Variants in LRRC28 observed in about 807,000 individuals in gnomAD.
The protein encoded by LRRC28 is leucine rich repeat containing 28.
In LRRC28, 39 loss-of-function variants were observed where a neutral mutation model predicts 45.7. The observed-to-expected ratio is 0.85, with a 90% CI of 0.66 to 1.12. The LOEUF (loss-of-function observed/expected upper bound fraction) is 1.12, where lower values mean the gene tolerates loss of function less well. Ranked by LOEUF, LRRC28 falls within the 50% of genes most tolerant of loss-of-function variation. The pLI is 0.00. For synonymous variants in LRRC28, 206 were observed against 178.8 expected, an observed-to-expected ratio of 1.15 and a Z score of -1.22; for missense variants, 435 against 438.5, an observed-to-expected ratio of 0.99 and a Z score of 0.07.
At chr15:99,311,270 A>G (rs1470058382) in intron 5 of LRRC28, among the ~76,000 whole-genome samples, 1 of 152,120 alleles carries the variant, frequency 6.6e-6, no homozygotes, top group East Asian at 1.9e-4. Context: ...TCATGTTGGC[A>G]CTCAGAAATC....
chr15:99,376,593 G>C (rs1013073383), intron 9 of LRRC28, among the ~76,000 whole-genome samples: 3 of 152,052 alleles, frequency 2.0e-5, no homozygotes, highest in Admixed American at 6.6e-5. Context: ...GTGCAGGTTT[G>C]TTACATATGT....
intron 1 of LRRC28, among the ~76,000 whole-genome samples, chr15:99,255,526 G>A (rs1025222281): frequency 1.3e-5 from 2 of 151,884 alleles, no homozygotes; most frequent in Admixed American, 1.3e-4. Context: ...ACAAAATGAG[G>A]TAGTTCATAA....
At chr15:99,367,745 GC>G (rs1409819674) in intron 9 of LRRC28, among the ~76,000 whole-genome samples, 1 of 152,130 alleles carries the variant, frequency 6.6e-6, no homozygotes, top group African/African-American at 2.4e-5. Flanking sequence ...CCTTCTCTGG[GC>G]ATGCCATCTT....
intron 5 of LRRC28, among the ~76,000 whole-genome samples, chr15:99,324,685 G>C (rs1481449529): frequency 1.3e-5 from 2 of 152,086 alleles, no homozygotes; most frequent in Non-Finnish European, 2.9e-5. Context: ...ATCATTTTCA[G>C]AATACTCTAT....
At chr15:99,309,599 C>T (rs192097317) in intron 5 of LRRC28, among the ~76,000 whole-genome samples, 16 of 151,998 alleles carry the variant, frequency 1.1e-4, no homozygotes, top group South Asian at 6.2e-4. Context: ...AGTAGAGACG[C>T]GGTTTCATCA....
At chr15:99,383,575 C>T (rs1957894232) in intron 9 of LRRC28, among the ~76,000 whole-genome samples, 1 of 152,200 alleles carries the variant, frequency 6.6e-6, no homozygotes, top group South Asian at 2.1e-4. Context: ...GGATACAACT[C>T]TTCTTTTCCA....
intron 1 of LRRC28, among the ~76,000 whole-genome samples, chr15:99,255,001 A>G (rs1289377653): frequency 6.6e-6 from 1 of 152,194 alleles, no homozygotes; most frequent in Non-Finnish European, 1.5e-5. Flanking sequence ...GAAATAATTT[A>G]AACTAATGAG....
At chr15:99,367,106 C>A (rs566428369) in intron 9 of LRRC28, among the ~76,000 whole-genome samples, 1 of 152,298 alleles carries the variant, frequency 6.6e-6, no homozygotes, top group South Asian at 2.1e-4. Context: ...GGCTCAGTCC[C>A]ACAAGACTGC....
chr15:99,377,504 C>A (rs1432267541), intron 9 of LRRC28, among the ~76,000 whole-genome samples: 1 of 152,190 alleles, frequency 6.6e-6, no homozygotes, highest in Non-Finnish European at 1.5e-5. Flanking sequence ...CCTGTTCACT[C>A]TGATGGTAGT....
At chr15:99,371,269 G>C (rs1489661189) in intron 9 of LRRC28, among the ~76,000 whole-genome samples, 1 of 152,156 alleles carries the variant, frequency 6.6e-6, no homozygotes, top group Non-Finnish European at 1.5e-5. Flanking sequence ...TGGTAGGTGA[G>C]GGCTCCATGG....
chr15:99,370,126 T>G (rs1785270557), intron 9 of LRRC28, among the ~76,000 whole-genome samples: 4 of 152,206 alleles, frequency 2.6e-5, no homozygotes, highest in Non-Finnish European at 5.9e-5. Flanking sequence ...GATTGCAAAC[T>G]GGGCCAAGGT....
chr15:99,372,147 T>G (rs1212577076), intron 9 of LRRC28, among the ~76,000 whole-genome samples: 2 of 152,236 alleles, frequency 1.3e-5, no homozygotes, highest in Non-Finnish European at 2.9e-5. Flanking sequence ...AAATATATGC[T>G]TTGTGTTTTT....
At position 99,352,390 on chromosome 15, in the gene LRRC28, T is replaced by C; in HGVS notation, c.614T>C (p.Leu205Pro). Residue 205 changes from leucine to proline, a missense_variant, in exon 7 of 10, where the codon CTA becomes CCA. Coordinates refer to ENST00000301981, the MANE Select transcript of LRRC28 (RefSeq NM_144598.5). Reference sequence around the variant, plus strand: ...CCAGATTTAGGTCGATCTCGAGAACTACAGTATGTATACGTGGATAACAAC... The same window carrying C: ...CCAGATTTAGGTCGATCTCGAGAACCACAGTATGTATACGTGGATAACAAC... Reference protein sequence around the residue: ...LPLDLGRSRELQYVYVDNNIH... With the variant: ...LPLDLGRSREPQYVYVDNNIH... The C allele has an allele frequency of 6.2e-7, 1 of 1,613,848 alleles. No individual in the cohort carries two copies. Among genetic ancestry groups the C allele is most frequent in the Non-Finnish European group, 8.5e-7 (1 of 1,179,892 alleles).
At chr15:99,315,822 G>A (rs1955573318) in intron 5 of LRRC28, among the ~76,000 whole-genome samples, 1 of 152,144 alleles carries the variant, frequency 6.6e-6, no homozygotes, top group African/African-American at 2.4e-5. Context: ...GAGGTAGGAA[G>A]ATAGTTTGAG....
At chr15:99,280,037 C>G (rs1363892861) in intron 3 of LRRC28, among the ~76,000 whole-genome samples, 1 of 152,052 alleles carries the variant, frequency 6.6e-6, no homozygotes, top group South Asian at 2.1e-4. Flanking sequence ...ATTGGAATTT[C>G]CATTTGTATT....
At chr15:99,292,359 CTT>C (rs35435895) in intron 5 of LRRC28, among the ~76,000 whole-genome samples, 7 of 133,128 alleles carry the variant, frequency 5.3e-5, no homozygotes, top group African/African-American at 1.7e-4. Flanking sequence ...ATCGTACAGT[CTT>C]TTTTTTTTTT....
At chr15:99,344,330 G>A (rs1260385736) in intron 6 of LRRC28, among the ~76,000 whole-genome samples, 1 of 152,060 alleles carries the variant, frequency 6.6e-6, no homozygotes, top group Non-Finnish European at 1.5e-5. Context: ...GAGGAAGCAG[G>A]ATTCAGACTC....
At chr15:99,316,144 AGTTTGTT>A (rs1955584945) in intron 5 of LRRC28, among the ~76,000 whole-genome samples, 1 of 152,204 alleles carries the variant, frequency 6.6e-6, no homozygotes, top group Non-Finnish European at 1.5e-5. Flanking sequence ...CCTTTTATAA[AGTTTGTT>A]GTATCTATGT....
At chr15:99,352,026 TGGG>T (rs763624763) in intron 6 of LRRC28, among the ~76,000 whole-genome samples, 1 of 152,058 alleles carries the variant, frequency 6.6e-6, no homozygotes, top group Non-Finnish European at 1.5e-5. Flanking sequence ...ACCAAGGAGA[TGGG>T]GGAGAAAGGA....
Sources: allele counts gnomAD v4.1 joint callset (sites outside exome capture counted in the v4.1 genomes callset), GRCh38; gene constraint gnomAD v4.1.1; transcripts MANE v1.5; gene names NCBI Gene and HGNC (gene_info 2026-07-23, HGNC 2026-07-21).